CCL17: variants seen among roughly 807,000 people sequenced by gnomAD.
CCL17 encodes C-C motif chemokine 17.
In CCL17, 8 loss-of-function variants were observed where a neutral mutation model predicts 7.4. That is an observed-to-expected ratio of 1.09 (90% confidence interval 0.64 to 1.96). The LOEUF (loss-of-function observed/expected upper bound fraction) is 1.96. CCL17 is among the 30% of genes most tolerant of loss of function. The pLI is 0.00. For missense variants in CCL17, 102 were observed against 113.0 expected (o/e 0.90, Z 0.44); for synonymous variants, 40 against 46.1 (o/e 0.87, Z 0.54).
intron 1 of CCL17, among the ~76,000 whole-genome samples, chr16:57,410,023 G>GGT (rs1902758838): frequency 1.3e-5 from 2 of 152,194 alleles, no homozygotes; most frequent in South Asian, 4.1e-4. Context: ...AGGTGACACT[G>GGT]GTGTGACCGG....
intron 1 of CCL17, among the ~76,000 whole-genome samples, chr16:57,408,716 A>G (rs143201089): frequency 0.015 from 2,139 of 147,236 alleles, 54 homozygotes; most frequent in African/African-American, 0.051. Flanking sequence ...TTACAGGCAC[A>G]CGCCACCACA....
upstream of CCL17, among the ~76,000 whole-genome samples, chr16:57,403,389 T>G (rs187649287): frequency 1.5e-3 from 30 of 20,592 alleles, 1 homozygote; most frequent in African/African-American, 0.012. Context: ...ATATATTATA[T>G]ATAATATATA....
chr16:57,407,197 T>C (rs147051608), intron 1 of CCL17, among the ~76,000 whole-genome samples: 2,006 of 152,026 alleles, frequency 0.013, 18 homozygotes, highest in Non-Finnish European at 0.02. Context: ...AAGGGGGTCA[T>C]GGGATTGGAG....
At chr16:57,407,743 A>G (rs1011368451) in intron 1 of CCL17, among the ~76,000 whole-genome samples, 2 of 151,662 alleles carry the variant, frequency 1.3e-5, no homozygotes, top group Non-Finnish European at 2.9e-5. Flanking sequence ...CCTTCCATCC[A>G]TCCATCATCC....
chr16:57,396,752 T>C, the CCL17 span, among the ~76,000 whole-genome samples: 1 of 152,130 alleles, frequency 6.6e-6, no homozygotes, highest in East Asian at 1.9e-4. Flanking sequence ...CTGTGATCAG[T>C]TGGGGCTTGA....
At chr16:57,411,163 G>A (rs953960076) in intron 1 of CCL17, among the ~76,000 whole-genome samples, 3 of 152,146 alleles carry the variant, frequency 2.0e-5, no homozygotes, top group Non-Finnish European at 4.4e-5. Context: ...CTGGCCAGAG[G>A]CAGCATCTCC....
At chr16:57,404,566 T>G (rs1902667413), upstream of CCL17, among the ~76,000 whole-genome samples, 1 of 151,952 alleles carries the variant, frequency 6.6e-6, no homozygotes, top group Non-Finnish European at 1.5e-5. Context: ...GCTGCCTATT[T>G]GGTATGGCGA....
Position 57,408,782 on chromosome 16 carries a change from G to A in CCL17, c.-60+3946G>A, listed in dbSNP as rs140417682. Among the ~76,000 whole-genome samples the A allele has an allele frequency of 6.8e-3, 1,025 of 151,794 alleles. 16 individuals are homozygous for A. Among genetic ancestry groups the A allele is most frequent in the African/African-American group, 0.023 (967 of 41,368 alleles). On this transcript the variant is annotated intron_variant, in intron 1 of 3. Transcript: ENST00000219244. ...GTAGAGACAGGGTTTCACCATGTTG[G>A]CCAGGATGGTCTCGATCTCCTGACC...
upstream of CCL17, among the ~76,000 whole-genome samples, chr16:57,400,954 G>T (rs1453645107): frequency 1.3e-5 from 2 of 151,282 alleles, no homozygotes; most frequent in Non-Finnish European, 1.5e-5. Flanking sequence ...GGTGACAAGA[G>T]CGAGACCCCA....
At chr16:57,413,210 T>C (rs546304078) in intron 1 of CCL17, among the ~76,000 whole-genome samples, 29 of 152,352 alleles carry the variant, frequency 1.9e-4, no homozygotes, top group Admixed American at 9.8e-4. Flanking sequence ...CGAAGCACCG[T>C]TGGGCTCTTG....
intron 1 of CCL17, among the ~76,000 whole-genome samples, chr16:57,406,382 C>T (rs1295265119): frequency 6.6e-6 from 1 of 152,168 alleles, no homozygotes; most frequent in Non-Finnish European, 1.5e-5. Flanking sequence ...CTTCCCACCT[C>T]AGCCTCCCAA....
At chr16:57,408,487 C>T (rs1431373181) in intron 1 of CCL17, among the ~76,000 whole-genome samples, 3 of 152,310 alleles carry the variant, frequency 2.0e-5, no homozygotes, top group African/African-American at 7.2e-5. Context: ...TCATGGCTCA[C>T]TGCAGCCTCA....
upstream of CCL17, among the ~76,000 whole-genome samples, chr16:57,402,812 C>A (rs868750048): frequency 1.3e-5 from 2 of 152,050 alleles, no homozygotes; most frequent in Admixed American, 6.6e-5. Flanking sequence ...AGCCATTTAT[C>A]CATTCACTCA....
upstream of CCL17, among the ~76,000 whole-genome samples, chr16:57,400,461 G>A (rs1902577266): frequency 6.6e-6 from 1 of 151,956 alleles, no homozygotes; most frequent in African/African-American, 2.4e-5. Context: ...GTAATCTGGT[G>A]GGTTTCAGTT....
In CCL17 at chr16:57,415,160, G is replaced by A. The variant is rs1332923619; in HGVS notation, c.150G>A (p.Trp50Ter). 1.9e-6 allele frequency: 3 copies of A among 1,613,798 alleles called. No individual in the cohort carries two copies. Among genetic ancestry groups the A allele is most frequent in the Non-Finnish European group, 2.5e-6 (3 of 1,179,692 alleles). Reference sequence around the variant, plus strand: ...TTCCCCTTAGAAAGCTGAAGACGTGGTACCAGACATCTGAGGACTGCTCCA... The same window carrying A: ...TTCCCCTTAGAAAGCTGAAGACGTGATACCAGACATCTGAGGACTGCTCCA... Reference protein sequence around the residue: ...GAIPLRKLKTWYQTSEDCSRD... With the variant: ...GAIPLRKLKT Residue 50 changes from tryptophan (W) to a stop codon, truncating the protein, a stop_gained, in exon 3 of 4, where the codon TGG becomes TGA. Transcript: ENST00000219244. LOFTEE classifies it low-confidence loss of function (END_TRUNC). This position sits in a 1 kb window ranked among gnomAD's most constrained non-coding sequence, Gnocchi z 4.5.
At chr16:57,405,523 G>T (rs1902681720) in intron 1 of CCL17, among the ~76,000 whole-genome samples, 1 of 152,200 alleles carries the variant, frequency 6.6e-6, no homozygotes. Flanking sequence ...ACTCGGTTTT[G>T]CCCTTCTGGT....
intron 1 of CCL17, among the ~76,000 whole-genome samples, chr16:57,413,190 T>G (rs1244439829): frequency 6.6e-6 from 1 of 152,222 alleles, no homozygotes; most frequent in Non-Finnish European, 1.5e-5. Flanking sequence ...CTGAGCTATT[T>G]GGACTGAATC....
At chr16:57,413,638 G>C (rs1327578601) in intron 1 of CCL17, among the ~76,000 whole-genome samples, 1 of 152,200 alleles carries the variant, frequency 6.6e-6, no homozygotes, top group Non-Finnish European at 1.5e-5. Flanking sequence ...TGTCCCCTTT[G>C]AAAGGAGAAG....
At chr16:57,414,818 C>A (rs1469186972) in intron 2 of CCL17, among the ~76,000 whole-genome samples, 1 of 152,048 alleles carries the variant, frequency 6.6e-6, no homozygotes, top group African/African-American at 2.4e-5. Flanking sequence ...ACAGGACACA[C>A]AGAATCCCCC....
Sources: gnomAD v4.1 joint callset for allele counts (sites outside exome capture counted in the v4.1 genomes callset) on GRCh38, gnomAD v4.1.1 for gene constraint, Gnocchi (gnomAD v3.1) non-coding constraint, MANE v1.5 for transcripts, NCBI Gene and HGNC (gene_info 2026-07-23, HGNC 2026-07-21) for gene names.